Variants in CD44 observed in about 807,000 individuals in gnomAD.
CD44 encodes CD44 molecule (IN blood group), also known as CD44 antigen.
Under a neutral mutation model 88.8 loss-of-function variants are expected in CD44, and 49 were observed. The observed-to-expected ratio is 0.55, with a 90% confidence interval of 0.44 to 0.70. The LOEUF is 0.70. Ranked by LOEUF, CD44 falls within the 30% of genes least tolerant of loss-of-function variation. The probability of loss-of-function intolerance (pLI) is 0.00; values close to 1 mark genes in which losing one functional copy is unlikely to be tolerated. For missense variants in CD44, 883 were observed against 913.8 expected (o/e 0.97, Z 0.43); for synonymous variants, 325 against 312.3 (o/e 1.04, Z -0.43).
At chr11:35,212,275 G>T (rs971727192) in intron 14 of CD44, among the ~76,000 whole-genome samples, 3 of 152,008 alleles carry the variant, frequency 2.0e-5, no homozygotes, top group African/African-American at 4.8e-5. Context: ...TTTTTCAATT[G>T]CTTTGTAACA....
intron 1 of CD44, among the ~76,000 whole-genome samples, chr11:35,151,080 T>G (rs1178349223): frequency 1.3e-5 from 2 of 151,934 alleles, no homozygotes; most frequent in Non-Finnish European, 2.9e-5. Flanking sequence ...TTCAAGGAAT[T>G]TGAGGATGAG....
chr11:35,157,990 G>A (rs945921358), intron 1 of CD44, among the ~76,000 whole-genome samples: 5 of 152,236 alleles, frequency 3.3e-5, no homozygotes, highest in African/African-American at 1.2e-4. Context: ...GCTTCCTTCC[G>A]CATAGTTTCT....
intron 14 of CD44, 69 bp from the exon 15 acceptor site, chr11:35,214,783 G>C (rs1948685095): frequency 3.4e-6 from 3 of 878,636 alleles, no homozygotes; most frequent in Non-Finnish European, 3.3e-6. Context: ...AGAATGCAAA[G>C]GTAAAGAAAT....
At chr11:35,217,267 C>CT (rs5791042) in intron 15 of CD44, among the ~76,000 whole-genome samples, 27,691 of 129,078 alleles carry the variant, frequency 0.21, 2,983 homozygotes, top group East Asian at 0.38. Context: ...AGCACTTCTT[C>CT]TTTTTTTTTT....
intron 5 of CD44, among the ~76,000 whole-genome samples, chr11:35,191,258 A>T (rs1349190052): frequency 6.6e-6 from 1 of 152,168 alleles, no homozygotes; most frequent in African/African-American, 2.4e-5. Context: ...CTGTGATTTC[A>T]TTTAAGGTCA....
intron 1 of CD44, among the ~76,000 whole-genome samples, chr11:35,142,527 C>T (rs747135199): frequency 2.0e-5 from 3 of 152,166 alleles, no homozygotes; most frequent in Admixed American, 6.5e-5. Flanking sequence ...TTTCTGCTCC[C>T]TTCTCTCTAA....
At chr11:35,195,873 A>G (rs1297249805) in intron 5 of CD44, among the ~76,000 whole-genome samples, 1 of 152,108 alleles carries the variant, frequency 6.6e-6, no homozygotes, top group African/African-American at 2.4e-5. Flanking sequence ...ATATAGTTTC[A>G]CATAAGAAAT....
intron 1 of CD44, among the ~76,000 whole-genome samples, chr11:35,147,249 C>T (rs1208945469): frequency 1.3e-5 from 2 of 152,164 alleles, no homozygotes; most frequent in Non-Finnish European, 2.9e-5. Flanking sequence ...GCCCTTGGTT[C>T]CAGGGTCTTC....
At chr11:35,228,643 G>A (rs1020692577) in intron 17 of CD44, among the ~76,000 whole-genome samples, 1 of 152,164 alleles carries the variant, frequency 6.6e-6, no homozygotes, top group Non-Finnish European at 1.5e-5. Flanking sequence ...GAGTTACTTG[G>A]GGGAAGTTAC....
At chr11:35,211,214 A>C (rs1425634996) in intron 13 of CD44, 32 bp from the exon 14 acceptor site, 26 of 1,546,858 alleles carry the variant, frequency 1.7e-5, no homozygotes, top group Non-Finnish European at 2.3e-5. Context: ...TCTTACAAAT[A>C]CGGGTTCATC....
chr11:35,187,450 G>A (rs1388302213), intron 4 of CD44, among the ~76,000 whole-genome samples: 1 of 151,468 alleles, frequency 6.6e-6, no homozygotes, highest in East Asian at 1.9e-4. Flanking sequence ...ATTTTTTTTG[G>A]CATCTCTATA....
At chr11:35,145,103 A>C (rs963560711) in intron 1 of CD44, among the ~76,000 whole-genome samples, 2 of 152,222 alleles carry the variant, frequency 1.3e-5, no homozygotes, top group African/African-American at 4.8e-5. Flanking sequence ...TGGTGATGCC[A>C]AAGAATGCTA....
At chr11:35,188,853 G>T (rs1399513093) in intron 4 of CD44, among the ~76,000 whole-genome samples, 1 of 151,922 alleles carries the variant, frequency 6.6e-6, no homozygotes, top group Non-Finnish European at 1.5e-5. Flanking sequence ...CAGGAGAGTT[G>T]CTTGAACCCA....
At chr11:35,156,961 G>A (rs1477359403) in intron 1 of CD44, among the ~76,000 whole-genome samples, 1 of 152,176 alleles carries the variant, frequency 6.6e-6, no homozygotes, top group East Asian at 1.9e-4. Flanking sequence ...TTGGGCCCAG[G>A]AGTTTGAGGT....
At chr11:35,192,737 C>T (rs189072157) in intron 5 of CD44, among the ~76,000 whole-genome samples, 14 of 151,668 alleles carry the variant, frequency 9.2e-5, no homozygotes, top group African/African-American at 3.4e-4. Flanking sequence ...GAAGCAGACT[C>T]CTGCCTTGGA....
Position 35,204,502 on chromosome 11 carries a change from C to T in CD44, c.1154-10C>T. 3 of 1,612,472 alleles carry T rather than the reference C, an allele frequency of 1.9e-6. No homozygotes were observed. The highest frequency in any genetic ancestry group is 2.5e-6 in the Non-Finnish European group (3 of 1,179,080). On this transcript the variant is annotated splice_polypyrimidine_tract_variant and intron_variant, in intron 9 of 17. Transcript: ENST00000428726. ...ACAATTATGTCTCCCAACTGATATT[C>T]TTCTCACAGTCCAGGCAACTCCTAG...
At chr11:35,180,129 C>A (rs1944846844) in intron 2 of CD44, 145 bp from the exon 3 acceptor site, 1 of 689,478 alleles carries the variant, frequency 1.5e-6, no homozygotes, top group South Asian at 2.1e-5. Context: ...TTTTGGATTT[C>A]AAATAACTCG....
At chr11:35,140,630 T>G (rs1206920456) in intron 1 of CD44, among the ~76,000 whole-genome samples, 1 of 152,164 alleles carries the variant, frequency 6.6e-6, no homozygotes, top group Non-Finnish European at 1.5e-5. Flanking sequence ...TCTGTGCATA[T>G]GCATCTCCCT....
intron 4 of CD44, among the ~76,000 whole-genome samples, chr11:35,189,378 C>T (rs1946041223): frequency 6.6e-6 from 1 of 152,190 alleles, no homozygotes; most frequent in African/African-American, 2.4e-5. Context: ...TACTTCAAAT[C>T]CTTTTCGGAG....
Sources: gnomAD v4.1 joint callset for allele counts (sites outside exome capture counted in the v4.1 genomes callset) on GRCh38, gnomAD v4.1.1 for gene constraint, MANE v1.5 for transcripts, NCBI Gene and HGNC (gene_info 2026-07-23, HGNC 2026-07-21) for gene names.